HECTD4: variants seen among roughly 807,000 people sequenced by gnomAD.
The protein encoded by HECTD4 is HECT domain E3 ubiquitin protein ligase 4, also known as probable E3 ubiquitin-protein ligase HECTD4.
A neutral mutation model predicts 471.5 loss-of-function variants in HECTD4; 114 were observed. That is an observed-to-expected ratio of 0.24 (90% CI 0.21 to 0.28). The LOEUF is 0.28. Among genes scored for constraint, HECTD4 ranks in the 10% least tolerant of loss-of-function variants. The probability of loss-of-function intolerance (pLI) is 1.00; values close to 1 mark genes in which losing one functional copy is unlikely to be tolerated. For missense variants in HECTD4, 3,866 were observed against 5,651.5 expected (o/e 0.68, Z 10.13); for synonymous variants, 2,012 against 2,256.0 (o/e 0.89, Z 3.07).
chr12:112,165,194 C>T (rs1306322484), intron 72 of HECTD4, among the ~76,000 whole-genome samples: 1 of 151,532 alleles, frequency 6.6e-6, no homozygotes, highest in Non-Finnish European at 1.5e-5. Context: ...GCTGGGATTA[C>T]AGCTGAGCCA....
At position 112,163,775 on chromosome 12, in the gene HECTD4, C is replaced by A; in HGVS notation, c.12702-38G>T. The A allele has an allele frequency of 7.1e-7, 1 of 1,415,994 alleles. No individual in the cohort carries two copies. Among genetic ancestry groups the A allele is most frequent in the Non-Finnish European group, 9.3e-7 (1 of 1,079,080 alleles). The allele number at this position is 1,415,994 out of a possible 1,614,324, so 87.7% of individuals were successfully genotyped here. A position where few individuals can be genotyped will look rare whatever the true frequency, so the allele number is the denominator to read the frequency against. On this transcript the variant is annotated intron_variant, in intron 73 of 75. Transcript: ENST00000682272. The surrounding 1 kb of genome is among the most constrained non-coding windows in gnomAD (Gnocchi z 8.2). ...GGAGCACAGGTGAGGGAGAACACCGCCGAAGAGGCTGGGTCTGGGGGCCAC... is the reference window on the plus strand; with the variant it reads ...GGAGCACAGGTGAGGGAGAACACCGACGAAGAGGCTGGGTCTGGGGGCCAC...
chr12:112,224,843 A>G (rs1276999000), intron 44 of HECTD4, among the ~76,000 whole-genome samples: 1 of 152,236 alleles, frequency 6.6e-6, no homozygotes, highest in Non-Finnish European at 1.5e-5. Flanking sequence ...TATAAAATAT[A>G]TAAGAGGATA....
chr12:112,279,597 T>C (rs1194848149), intron 8 of HECTD4, among the ~76,000 whole-genome samples: 1 of 152,194 alleles, frequency 6.6e-6, no homozygotes, highest in Non-Finnish European at 1.5e-5. Context: ...AGCCTCCTAT[T>C]TATATGGTCT....
chr12:112,263,276 G>C (rs1401849851), intron 17 of HECTD4, among the ~76,000 whole-genome samples: 2 of 152,204 alleles, frequency 1.3e-5, no homozygotes, highest in African/African-American at 4.8e-5. Context: ...TAGTATATAT[G>C]CATAAAGGAG....
Position 112,264,086 on chromosome 12 carries a change from G to A in HECTD4, c.2746C>T (p.Gln916Ter). 1 of 1,609,272 alleles carries A rather than the reference G, an allele frequency of 6.2e-7. No homozygotes were observed. Among genetic ancestry groups the A allele is most frequent in the Non-Finnish European group, 8.5e-7 (1 of 1,177,816 alleles). ...TTAAAATAAAGCTTGGTGTTTACCT[G>A]TACCTTCAATGTCTCTCCCTGCAAG... ...SSLQGETLKVQELKVSILALA... is the reference protein window; with the variant it reads ...SSLQGETLKV The change falls in exon 17 of 76, where the codon CAG becomes TAG. Residue 916 changes from glutamine (Q) to a stop codon, truncating the protein, a stop_gained and splice_region_variant. Transcript: ENST00000682272. LOFTEE classifies it high-confidence loss of function.
chr12:112,314,063 G>C (rs922245979), intron 3 of HECTD4, among the ~76,000 whole-genome samples: 8 of 151,898 alleles, frequency 5.3e-5, no homozygotes, highest in East Asian at 3.9e-4. Flanking sequence ...TTTTGAAACA[G>C]AGTCTCGCCC....
intron 68 of HECTD4, chr12:112,170,744 T>TGC: frequency 4.1e-6 from 2 of 484,226 alleles, no homozygotes; most frequent in South Asian, 5.9e-5. Context: ...GCTGTGTGTG[T>TGC]GCACACATGT....
chr12:112,224,467 C>T (rs997204938), intron 44 of HECTD4, among the ~76,000 whole-genome samples: 5 of 152,074 alleles, frequency 3.3e-5, no homozygotes, highest in African/African-American at 4.8e-5. Flanking sequence ...GGGGTTTCAC[C>T]GTGTTAGCCA....
chr12:112,182,397 AAG>A (rs1448155872), intron 62 of HECTD4, among the ~76,000 whole-genome samples: 2 of 151,800 alleles, frequency 1.3e-5, no homozygotes, highest in African/African-American at 2.4e-5. Context: ...AAAAAAAAAA[AAG>A]AAATTAGTGG....
Position 112,162,808 on chromosome 12 carries a change from T to C in HECTD4, c.13120+234A>G, listed in dbSNP as rs1016831059. The C allele has an allele frequency of 1.8e-6, 1 of 560,356 alleles. No homozygotes were observed. Among genetic ancestry groups the C allele is most frequent in the African/African-American group, 1.9e-5 (1 of 53,140 alleles). 34.7% of individuals were successfully genotyped at this position (560,356 alleles called of 1,614,324 possible). On this transcript the variant is annotated intron_variant, in intron 75 of 75. Transcript: ENST00000682272. The surrounding 1 kb of genome is among the most constrained non-coding windows in gnomAD (Gnocchi z 5.2). ...TAACCATTTTTCTGCATTTAAAAGTTAGAAGATTTGAAGCATTCTGGATTT... is the reference window on the plus strand; with the variant it reads ...TAACCATTTTTCTGCATTTAAAAGTCAGAAGATTTGAAGCATTCTGGATTT...
chr12:112,355,110 A>G (rs958552508), intron 1 of HECTD4, among the ~76,000 whole-genome samples: 1 of 150,408 alleles, frequency 6.6e-6, no homozygotes, highest in South Asian at 2.1e-4. Flanking sequence ...CCTCCAGAGT[A>G]GCTGGAATTC....
At position 112,163,761 on chromosome 12, in the gene HECTD4, G is replaced by A. The variant is rs1379948883; in HGVS notation, c.12702-24C>T. The A allele has an allele frequency of 1.4e-6, 2 of 1,434,844 alleles. No homozygotes were observed. The highest frequency in any genetic ancestry group is 9.2e-7 in the Non-Finnish European group (1 of 1,089,368). The allele number at this position is 1,434,844 out of a possible 1,614,324, so 88.9% of individuals were successfully genotyped here. On this transcript the variant is annotated intron_variant, in intron 73 of 75. Transcript: ENST00000682272. The surrounding 1 kb of genome is among the most constrained non-coding windows in gnomAD (Gnocchi z 8.2). ...ACCTGCCCGGGTGAGGAGCACAGGT[G>A]AGGGAGAACACCGCCGAAGAGGCTG...
At chr12:112,236,814 T>C (rs1287532070) in intron 35 of HECTD4, 131 bp downstream of exon 35, 10 of 777,924 alleles carry the variant, frequency 1.3e-5, no homozygotes, top group South Asian at 9.7e-5. Context: ...CATTATTTTT[T>C]TGAGGCAAGA....
intron 14 of HECTD4, among the ~76,000 whole-genome samples, 184 bp downstream of exon 14, chr12:112,266,728 T>A (rs1386003949): frequency 6.6e-6 from 1 of 152,238 alleles, no homozygotes; most frequent in East Asian, 1.9e-4. Context: ...GTCATCCTCC[T>A]GCCTTGGCCT....
At chr12:112,232,890 C>T (rs1299350196) in intron 38 of HECTD4, 114 bp downstream of exon 38, 3 of 850,924 alleles carry the variant, frequency 3.5e-6, no homozygotes, top group Non-Finnish European at 5.6e-6. Flanking sequence ...TCTCACCTTG[C>T]CTCTTCGTTG....
rs143848386 is a variant in HECTD4, at chr12:112,175,892, T to C, written c.11471-33A>G. 359 of 1,611,344 alleles carry C rather than the reference T, an allele frequency of 2.2e-4. 1 individual carries two copies. The highest frequency in any genetic ancestry group is 2.7e-4 in the Non-Finnish European group (323 of 1,179,062). ...AAAGGGTTCAGTGTGAGGAATCTGG[T>C]GAGACCTGCGCACATCGCGCGCCTC... is the stretch of plus-strand genomic sequence containing the variant. On this transcript the variant is annotated intron_variant, in intron 65 of 75. Transcript: ENST00000682272.
At position 112,248,124 on chromosome 12, in the gene HECTD4, G is replaced by A. The variant is rs2033802120; in HGVS notation, c.4191C>T (p.Ala1397=). 6.2e-7 allele frequency: 1 copy of A among 1,613,422 alleles called. No individual in the cohort carries two copies. The highest frequency in any genetic ancestry group is 1.7e-5 in the Admixed American group (1 of 59,962). Residue 1397 remains alanine (A), a synonymous_variant, in exon 27 of 76, where the codon GCC becomes GCT. Coordinates refer to ENST00000682272, the MANE Select transcript of HECTD4 (RefSeq NM_001388303.1). ...EQKWQSEVDD[A]MQGKLENNMP... Reference sequence around the variant, plus strand: ...TGTTGTTCTCCAGTTTCCCCTGCATGGCATCATCAACTTCACTTTGCCATT... The same window carrying A: ...TGTTGTTCTCCAGTTTCCCCTGCATAGCATCATCAACTTCACTTTGCCATT...
At chr12:112,345,127 C>A (rs1374693881) in intron 1 of HECTD4, among the ~76,000 whole-genome samples, 1 of 151,944 alleles carries the variant, frequency 6.6e-6, no homozygotes, top group Non-Finnish European at 1.5e-5. Context: ...ATGGCATGTA[C>A]CTGTGGTCCC....
intron 11 of HECTD4, among the ~76,000 whole-genome samples, 191 bp from the exon 12 acceptor site, chr12:112,270,650 T>C (rs992609581): frequency 6.6e-6 from 1 of 152,246 alleles, no homozygotes; most frequent in Non-Finnish European, 1.5e-5. Flanking sequence ...GGAGTTCATT[T>C]GTTTGGAACA....
Sources: gnomAD v4.1 joint callset for allele counts (sites outside exome capture counted in the v4.1 genomes callset) on GRCh38, gnomAD v4.1.1 for gene constraint, Gnocchi (gnomAD v3.1) non-coding constraint, MANE v1.5 for transcripts, NCBI Gene and HGNC (gene_info 2026-07-23, HGNC 2026-07-21) for gene names.